The following RIPOR3 variants were observed in gnomAD, a reference collection of about 807,000 sequenced individuals.
RIPOR3 encodes the protein family with sequence similarity 65 member C.
A neutral mutation model predicts 114.3 loss-of-function variants in RIPOR3; 95 were observed. The observed-to-expected ratio is 0.83, with a 90% CI of 0.70 to 0.99. RIPOR3 has a LOEUF of 0.99. Ranked by LOEUF, RIPOR3 falls within the 50% of genes least tolerant of loss-of-function variation. The pLI is 0.00. For missense variants in RIPOR3, 1,252 were observed against 1,266.9 expected, an observed-to-expected ratio of 0.99 and a Z score of 0.18; for synonymous variants, 575 against 543.8, an observed-to-expected ratio of 1.06 and a Z score of -0.80.
rs1234422946 is a variant in RIPOR3 at position 50,608,670 on chromosome 20, G to T, written c.753C>A (p.Thr251=). The T allele has an allele frequency of 6.2e-7, 1 of 1,613,936 alleles. No individual in the cohort carries two copies. The highest frequency in any genetic ancestry group is 8.5e-7 in the Non-Finnish European group (1 of 1,179,936). The stretch of plus-strand genomic sequence containing the variant: ...TGAAGGCCTTCTCCTCTTCGTCCCA[G>T]GTCTGGCTGTCATCTGACTCGATCC... The part of the protein sequence containing the change: ...KGRIESDDSQ[T]WDEEEKAFIP... The change falls in exon 10 of 22, where the codon ACC becomes ACA. Residue 251 remains threonine (T), a synonymous_variant. Coordinates refer to ENST00000327979, the MANE Select transcript of RIPOR3 (RefSeq NM_001290268.2).
At chr20:50,614,950 A>C (rs2084108504) in intron 4 of RIPOR3, among the ~76,000 whole-genome samples, 1 of 151,846 alleles carries the variant, frequency 6.6e-6, no homozygotes, top group African/African-American at 2.4e-5. Context: ...CCAGCTACTC[A>C]GGAGGCTGAG....
At chr20:50,597,281 TA>T in intron 14 of RIPOR3, 1 of 345,374 alleles carries the variant, frequency 2.9e-6, no homozygotes, top group South Asian at 3.4e-5. Flanking sequence ...GAACTTCTAC[TA>T]TATACTTGGT....
At chr20:50,637,669 G>C (rs2085037924) in intron 1 of RIPOR3, among the ~76,000 whole-genome samples, 1 of 152,136 alleles carries the variant, frequency 6.6e-6, no homozygotes, top group Admixed American at 6.6e-5. Flanking sequence ...GAGGTCAGGA[G>C]TTCAAGATCA....
In RIPOR3 at chr20:50,602,062, G is replaced by A; in HGVS notation, c.1659+10C>T. On this transcript the variant is annotated intron_variant, in intron 13 of 21. Coordinates refer to ENST00000327979, the MANE Select transcript of RIPOR3 (RefSeq NM_001290268.2). The surrounding 1 kb of genome is among the most constrained non-coding windows in gnomAD (Gnocchi z 4.3). The stretch of plus-strand genomic sequence containing the variant: ...AAGCAGGGCCACCGCCCGGGGCGGG[G>A]TGGCCATACCTTCAGCCGGTCCCGG... The A allele has an allele frequency of 6.6e-7, 1 of 1,517,252 alleles. No individual in the cohort carries two copies. The highest frequency in any genetic ancestry group is 8.8e-7 in the Non-Finnish European group (1 of 1,134,854). 94.0% of individuals were successfully genotyped at this position (1,517,252 alleles called of 1,614,324 possible). A position where few individuals can be genotyped will look rare whatever the true frequency, so the allele number is the denominator to read the frequency against.
At chr20:50,624,547 G>C (rs2084546714) in intron 2 of RIPOR3, among the ~76,000 whole-genome samples, 1 of 152,212 alleles carries the variant, frequency 6.6e-6, no homozygotes, top group South Asian at 2.1e-4. Flanking sequence ...AGGCTCAGTG[G>C]CCACTCTGAG....
Position 50,587,254 on chromosome 20 carries a change from T to C in RIPOR3, c.2831A>G (p.Asp944Gly), listed in dbSNP as rs551747121. The change falls in exon 22 of 22, where the codon GAT becomes GGT. Residue 944 changes from aspartate to glycine, a missense_variant. Transcript: ENST00000327979. ...TTTTTAAAATATTGTGATTTCAACA[T>C]CTGCCTCCTGGCAAAAGACTTCTCT... ...EQREVFCQEA[D>G]VEITIF is the part of the protein sequence containing the mutation. 37 of 1,614,174 alleles carry C rather than the reference T, an allele frequency of 2.3e-5. No individual in the cohort carries two copies. Among genetic ancestry groups the C allele is most frequent in the South Asian group, 1.4e-4 (13 of 91,088 alleles).
rs370619344 is a variant in RIPOR3, at chr20:50,599,618, C to A, written c.1660-1908G>T. ...ACAAAAAGCACAAAAACTTGAAAAA[C>A]ATGGCATTAAATAGACCATGAGGAC... On this transcript the variant is annotated intron_variant, in intron 13 of 21. Transcript: ENST00000327979. 2.4e-4 allele frequency among the ~76,000 whole-genome samples: 37 copies of A among 152,160 alleles called. No individual in the cohort carries two copies. In the South Asian group the frequency reaches 4.6e-3, roughly 19 times the overall value.
intron 13 of RIPOR3, among the ~76,000 whole-genome samples, chr20:50,600,677 G>A (rs1460480697): frequency 6.6e-6 from 1 of 152,080 alleles, no homozygotes; most frequent in African/African-American, 2.4e-5. Context: ...GGAGGATCGT[G>A]TGATCCCAGG....
chr20:50,632,181 C>G (rs1228034184), intron 1 of RIPOR3, among the ~76,000 whole-genome samples: 1 of 152,116 alleles, frequency 6.6e-6, no homozygotes, highest in African/African-American at 2.4e-5. Context: ...TATCCCCCAC[C>G]CCACAGCCCC....
chr20:50,589,319 T>C (rs2083035564), intron 20 of RIPOR3, among the ~76,000 whole-genome samples: 1 of 151,176 alleles, frequency 6.6e-6, no homozygotes, highest in African/African-American at 2.4e-5. Flanking sequence ...TTTTTTTTTT[T>C]TTTTTTAAGA....
chr20:50,599,661 G>A (rs1398804021), intron 13 of RIPOR3, among the ~76,000 whole-genome samples: 1 of 152,118 alleles, frequency 6.6e-6, no homozygotes, highest in Non-Finnish European at 1.5e-5. Flanking sequence ...TACCATTTGG[G>A]CATTGAAACA....
chr20:50,607,056 C>G (rs954466803), intron 11 of RIPOR3, among the ~76,000 whole-genome samples: 2 of 152,134 alleles, frequency 1.3e-5, no homozygotes, highest in African/African-American at 4.8e-5. Flanking sequence ...TAAAGTCCTG[C>G]TGCTTCATTC....
intron 2 of RIPOR3, among the ~76,000 whole-genome samples, chr20:50,627,054 T>C (rs1005288406): frequency 1.1e-4 from 16 of 149,836 alleles, no homozygotes; most frequent in Non-Finnish European, 1.5e-5. Flanking sequence ...TGGTGGCCCA[T>C]GCCTGTAGTC....
chr20:50,589,653 T>TATCA (rs2083046308), intron 20 of RIPOR3, 33 bp downstream of exon 20: 1 of 1,606,626 alleles, frequency 6.2e-7, no homozygotes, highest in African/African-American at 1.3e-5. Flanking sequence ...CAGGCTTTTC[T>TATCA]ATCAGCCACT....
Position 50,604,636 on chromosome 20 carries a change from C to A in RIPOR3, c.1086+9G>T. The A allele has an allele frequency of 1.2e-6, 2 of 1,603,308 alleles. No homozygotes were observed. Among genetic ancestry groups the A allele is most frequent in the Non-Finnish European group, 1.7e-6 (2 of 1,175,486 alleles). On this transcript the variant is annotated intron_variant, in intron 12 of 21. Coordinates refer to ENST00000327979, the MANE Select transcript of RIPOR3 (RefSeq NM_001290268.2). ...CCACAGCGGCCCTGCCCCGGGAAGG[C>A]TCACTCACCAGGTAGTATCTCTCCC...
chr20:50,604,009 C>T (rs2083599456), intron 12 of RIPOR3, among the ~76,000 whole-genome samples: 1 of 151,996 alleles, frequency 6.6e-6, no homozygotes, highest in African/African-American at 2.4e-5. Flanking sequence ...TGGTGAAACC[C>T]CGTCTCTACT....
chr20:50,620,114 GTTCCTGTTGATGGAC>G lies in RIPOR3; in HGVS notation c.126_140del (p.Lys42_Arg46del). ...TTGCAGGCATTCGCGATCTCACGGA[GTTCCTGTTGATGGAC>G]TTTCTGTGAGAAGGGTTGGAGGGCA... On this transcript the variant is annotated inframe_deletion, in exon 3 of 22. Transcript: ENST00000327979. 1.2e-6 allele frequency: 2 copies of G among 1,614,104 alleles called. No individual in the cohort carries two copies. The highest frequency in any genetic ancestry group is 1.7e-6 in the Non-Finnish European group (2 of 1,180,038).
At position 50,629,337 on chromosome 20, in the gene RIPOR3, A is replaced by G. The variant is rs1470831193; in HGVS notation, c.122+1401T>C. The stretch of plus-strand genomic sequence containing the variant: ...GTCCACCCCGTTGGCTCAGACAGAC[A>G]GAGGTTTGGCCCCTTCAGGATGTCG... On this transcript the variant is annotated intron_variant, in intron 2 of 21. Coordinates refer to ENST00000327979, the MANE Select transcript of RIPOR3 (RefSeq NM_001290268.2). Among the ~76,000 whole-genome samples, 4 of 152,170 alleles carry G rather than the reference A, an allele frequency of 2.6e-5. No individual in the cohort carries two copies. In the East Asian group the frequency reaches 7.7e-4, roughly 29 times the overall value.
chr20:50,642,240 C>T (rs929052864), intron 1 of RIPOR3, among the ~76,000 whole-genome samples: 3 of 151,764 alleles, frequency 2.0e-5, no homozygotes, highest in African/African-American at 4.8e-5. Context: ...CAGTTATCTG[C>T]CTTCTTCTTC....
Sources: allele counts gnomAD v4.1 joint callset (sites outside exome capture counted in the v4.1 genomes callset), GRCh38; gene constraint gnomAD v4.1.1; non-coding constraint Gnocchi (gnomAD v3.1); transcripts MANE v1.5; gene names NCBI Gene and HGNC (gene_info 2026-07-23, HGNC 2026-07-21).